The following ANPEP variants were observed in gnomAD, a reference collection of about 807,000 sequenced individuals.
The protein encoded by ANPEP is alanyl aminopeptidase, membrane.
Under a neutral mutation model 114.6 loss-of-function variants are expected in ANPEP, and 70 were observed. The ratio of observed to expected loss-of-function variants is 0.61; its 90% CI spans 0.50 to 0.75. The LOEUF (loss-of-function observed/expected upper bound fraction) is 0.75, where lower values mean the gene tolerates loss of function less well. Among genes scored for constraint, ANPEP ranks in the 30% least tolerant of loss-of-function variants. The pLI is 0.00. For missense variants in ANPEP, 1,184 were observed against 1,259.5 expected, an observed-to-expected ratio of 0.94 and a Z score of 0.91; for synonymous variants, 548 against 522.3, an observed-to-expected ratio of 1.05 and a Z score of -0.67.
chr15:89,786,034 C>A (rs1439729830), intron 20 of ANPEP, among the ~76,000 whole-genome samples: 2 of 152,164 alleles, frequency 1.3e-5, no homozygotes, highest in African/African-American at 4.8e-5. Context: ...ATTAAAAAAT[C>A]TATTAGAACT....
At chr15:89,805,551 G>T in intron 2 of ANPEP, 88 bp from the exon 3 acceptor site, 1 of 1,529,012 alleles carries the variant, frequency 6.5e-7, no homozygotes, top group Non-Finnish European at 8.8e-7. Context: ...AGGGAAAGGG[G>T]TACATGGAAG....
At chr15:89,801,279 C>G (rs1163437475) in intron 11 of ANPEP, 92 bp from the exon 12 acceptor site, 16 of 1,558,144 alleles carry the variant, frequency 1.0e-5, no homozygotes, top group Non-Finnish European at 1.4e-5. Context: ...CTGCCCAGCT[C>G]TGGCACCGAG....
intron 15 of ANPEP, chr15:89,797,323 C>T (rs551474837): frequency 1.7e-5 from 7 of 424,154 alleles, no homozygotes; most frequent in South Asian, 5.1e-5. Flanking sequence ...TTGTTTTGCC[C>T]CACGCAGCCT....
chr15:89,806,864 A>G lies in ANPEP; in HGVS notation c.-223-58T>C, dbSNP rs1326092125. 6 of 391,702 alleles carry G rather than the reference A, an allele frequency of 1.5e-5. No homozygotes were observed. The highest frequency in any genetic ancestry group is 2.8e-5 in the Non-Finnish European group (6 of 213,986). The allele number at this position is 391,702 out of a possible 1,614,324, so 24.3% of individuals were successfully genotyped here. A position where few individuals can be genotyped will look rare whatever the true frequency, so the allele number is the denominator to read the frequency against. On this transcript the variant is annotated intron_variant, in intron 1 of 20. Transcript: ENST00000300060. This position sits in a 1 kb window ranked among gnomAD's most constrained non-coding sequence, Gnocchi z 5.7. ...TGCAGGCGGCCTGGGATCAGGCCCG[A>G]GGGCTGAAGGGCAGGCTTCCGGCTG...
intron 18 of ANPEP, 120 bp downstream of exon 18, chr15:89,792,040 G>A: frequency 8.4e-7 from 1 of 1,195,522 alleles, no homozygotes; most frequent in Admixed American, 2.6e-5. Flanking sequence ...TGGAAATACT[G>A]CCTCCACCTC....
chr15:89,804,306 TGGA>T lies in ANPEP; in HGVS notation c.1123_1125del (p.Ser377del), dbSNP rs1894660948. 6.2e-7 allele frequency: 1 copy of T among 1,614,178 alleles called. No individual in the cohort carries two copies. The highest frequency in any genetic ancestry group is 8.5e-7 in the Non-Finnish European group (1 of 1,180,032). On this transcript the variant is annotated inframe_deletion, in exon 6 of 21. Transcript: ENST00000300060. ...GTGACCACCCGCTCCTTGTTGCTGCTGGAGGAGGACAGGGGGTCGAACAGCAGG... is the reference window on the plus strand; with the variant it reads ...GTGACCACCCGCTCCTTGTTGCTGCTGGAGGACAGGGGGTCGAACAGCAGG...
At position 89,793,138 on chromosome 15, in the gene ANPEP, A is replaced by G. The variant is rs1406242009; in HGVS notation, c.2158-12T>C. On this transcript the variant is annotated splice_polypyrimidine_tract_variant and intron_variant, in intron 15 of 20. Coordinates refer to ENST00000300060, the MANE Select transcript of ANPEP (RefSeq NM_001150.3). Reference sequence around the variant, plus strand: ...TTCTTCAGGTAGTTCTGGGGAAAAGAAAATATGAATCTCATCAAAGACTCA... The same window carrying G: ...TTCTTCAGGTAGTTCTGGGGAAAAGGAAATATGAATCTCATCAAAGACTCA... 2.5e-6 allele frequency: 4 copies of G among 1,609,176 alleles called. No homozygotes were observed. In the African/African-American group the frequency reaches 4.0e-5, roughly 16 times the overall value.
chr15:89,791,366 C>T (rs1301789444), intron 18 of ANPEP, among the ~76,000 whole-genome samples: 1 of 152,188 alleles, frequency 6.6e-6, no homozygotes, highest in East Asian at 1.9e-4. Context: ...GCGCCCCAAG[C>T]CCTGGCACCA....
chr15:89,812,674 G>C (rs1456884071), intron 1 of ANPEP, among the ~76,000 whole-genome samples: 1 of 151,934 alleles, frequency 6.6e-6, no homozygotes, highest in Non-Finnish European at 1.5e-5. Context: ...GAGACACATG[G>C]TAGGTGAAAC....
Position 89,785,276 on chromosome 15 carries a change from C to G in ANPEP, c.*73G>C. The G allele has an allele frequency of 6.3e-7, 1 of 1,587,642 alleles. No homozygotes were observed. The highest frequency in any genetic ancestry group is 2.2e-5 in the East Asian group (1 of 44,514). On this transcript the variant is annotated 3_prime_UTR_variant, in exon 21 of 21. Coordinates refer to ENST00000300060, the MANE Select transcript of ANPEP (RefSeq NM_001150.3). ...GTGCCTCGGGCTCCAGGAATGGAGG[C>G]CCTGCACCAGCCGCTGGGATGGACA...
chr15:89,787,040 CTTTTTTTTTTT>C (rs1015822999), intron 20 of ANPEP, among the ~76,000 whole-genome samples: 6 of 91,046 alleles, frequency 6.6e-5, no homozygotes, highest in African/African-American at 2.2e-4. Flanking sequence ...TAATAAAACT[CTTTTTTTTTTT>C]TTTTTTTTTT....
chr15:89,813,485 G>T (rs896139293), intron 1 of ANPEP, among the ~76,000 whole-genome samples: 7 of 152,184 alleles, frequency 4.6e-5, no homozygotes, highest in Non-Finnish European at 1.0e-4. Context: ...CGGGAGCAGC[G>T]CTGTGGGTGG....
In ANPEP at chr15:89,805,999, G is replaced by A. The variant is rs1894703750; in HGVS notation, c.585C>T (p.Arg195=). The A allele has an allele frequency of 1.2e-6, 2 of 1,603,344 alleles. No individual in the cohort carries two copies. The highest frequency in any genetic ancestry group is 1.3e-5 in the African/African-American group (1 of 74,760). ...TGACATTGCCCTCCATGTACTCGCT[G>A]CGGTAGAAGCCCGCCAGGTCATCTG... The part of the protein sequence containing the change: ...ELADDLAGFY[R]SEYMEGNVRK... The change falls in exon 2 of 21, where the codon CGC becomes CGT. Residue 195 remains arginine, a synonymous_variant. Coordinates refer to ENST00000300060, the MANE Select transcript of ANPEP (RefSeq NM_001150.3).
upstream of ANPEP, chr15:89,814,852 C>CA (rs1894880045): frequency 6.5e-6 from 1 of 152,896 alleles, no homozygotes; most frequent in Admixed American, 6.5e-5. Context: ...GCCCCTCCAG[C>CA]ACTGGACTCC....
chr15:89,796,006 G>GGTGTTCCAGACCA (rs1470067658), intron 15 of ANPEP, among the ~76,000 whole-genome samples: 1 of 152,192 alleles, frequency 6.6e-6, no homozygotes, highest in African/African-American at 2.4e-5. Flanking sequence ...CTTGAAGCCA[G>GGTGTTCCAGACCA]GTGTTCCAGA....
intron 2 of ANPEP, 142 bp from the exon 3 acceptor site, chr15:89,805,605 G>A (rs1894694508): frequency 1.0e-5 from 13 of 1,259,990 alleles, no homozygotes; most frequent in East Asian, 7.7e-5. Flanking sequence ...CCCCCGCCTC[G>A]CCGGGAGCCT....
Position 89,793,015 on chromosome 15 carries a change from C to T in ANPEP, c.2249+20G>A. 1 of 1,608,370 alleles carries T rather than the reference C, an allele frequency of 6.2e-7. No individual in the cohort carries two copies. The highest frequency in any genetic ancestry group is 8.5e-7 in the Non-Finnish European group (1 of 1,174,816). ...CCCGGGGTGCCCAGGACTTCCAAAC[C>T]CATGAGAGCTCCCACTCACTGGTCC... On this transcript the variant is annotated intron_variant, in intron 16 of 20. Transcript: ENST00000300060.
At chr15:89,791,242 C>A in intron 18 of ANPEP, 149 bp from the exon 19 acceptor site, 3 of 861,970 alleles carry the variant, frequency 3.5e-6, no homozygotes, top group Non-Finnish European at 5.4e-6. Context: ...TCCTTCTTCC[C>A]TCTATAGATG....
Position 89,785,145 on chromosome 15 carries a change from G to T in ANPEP, c.*204C>A, listed in dbSNP as rs1486667689. On this transcript the variant is annotated 3_prime_UTR_variant, in exon 21 of 21. Transcript: ENST00000300060. ...GCCTAGGGCGGGGTTGGCATGAGGG[G>T]CAGGGGCTGGGAGGTGCTCAGGCAG... 6 of 631,650 alleles carry T rather than the reference G, an allele frequency of 9.5e-6. No homozygotes were observed. The highest frequency in any genetic ancestry group is 1.6e-5 in the Non-Finnish European group (6 of 376,186). 39.1% of individuals were successfully genotyped at this position (631,650 alleles called of 1,614,324 possible).
Sources: gnomAD v4.1 joint callset for allele counts (sites outside exome capture counted in the v4.1 genomes callset) on GRCh38, gnomAD v4.1.1 for gene constraint, Gnocchi (gnomAD v3.1) non-coding constraint, MANE v1.5 for transcripts, NCBI Gene and HGNC (gene_info 2026-07-23, HGNC 2026-07-21) for gene names.